DIP2C: variants seen among roughly 807,000 people sequenced by gnomAD.
DIP2C encodes disco-interacting protein 2 homolog C.
In DIP2C, 33 loss-of-function variants were observed where a neutral mutation model predicts 192.4. That is an observed-to-expected ratio of 0.17 (90% confidence interval 0.13 to 0.23). DIP2C has a LOEUF of 0.23. DIP2C is among the 10% of genes least tolerant of loss of function. The pLI is 1.00. For missense variants in DIP2C, 1,537 were observed against 2,110.1 expected, an observed-to-expected ratio of 0.73 and a Z score of 5.32; for synonymous variants, 979 against 864.1, an observed-to-expected ratio of 1.13 and a Z score of -2.33.
intron 15 of DIP2C, 78 bp from the exon 16 acceptor site, chr10:384,224 G>T: frequency 7.1e-7 from 1 of 1,415,672 alleles, no homozygotes; most frequent in Non-Finnish European, 9.5e-7. Flanking sequence ...ATCATTGTGA[G>T]TAGTGGGGAA....
intron 29 of DIP2C, among the ~76,000 whole-genome samples, chr10:330,810 CAA>C (rs1491314892): frequency 4.2e-5 from 4 of 95,174 alleles, no homozygotes; most frequent in African/African-American, 1.2e-4. Flanking sequence ...CCAACCTACA[CAA>C]TTTTTTTTTT....
intron 3 of DIP2C, among the ~76,000 whole-genome samples, chr10:453,143 A>G (rs1362443361): frequency 6.6e-6 from 1 of 152,266 alleles, no homozygotes; most frequent in African/African-American, 2.4e-5. Flanking sequence ...TATCCTTTTC[A>G]TAAAATGAGC....
chr10:629,676 C>T (rs1564286580), intron 1 of DIP2C, among the ~76,000 whole-genome samples: 6 of 152,182 alleles, frequency 3.9e-5, no homozygotes, highest in East Asian at 1.9e-4. Flanking sequence ...CTTTAACCCG[C>T]GCTGGGGGAA....
At position 413,961 on chromosome 10, in the gene DIP2C, G is replaced by A. The variant is rs759160217; in HGVS notation, c.1009C>T (p.Leu337=). 2.5e-6 allele frequency: 4 copies of A among 1,614,112 alleles called. No homozygotes were observed. The highest frequency in any genetic ancestry group is 3.4e-6 in the Non-Finnish European group (4 of 1,180,050). The change falls in exon 8 of 37, where the codon CTG becomes TTG. Residue 337 remains leucine, a synonymous_variant. Coordinates refer to ENST00000280886, the MANE Select transcript of DIP2C (RefSeq NM_014974.3). ...TTCCCGTTGGTGTCCATGGTGGTCA[G>A]GCAGGGCGCCTTGGGCGAGATGGTG... ...WGTISPKAPC[L]TTMDTNGKPL...
intron 28 of DIP2C, among the ~76,000 whole-genome samples, chr10:343,780 G>T (rs1589546402): frequency 6.6e-6 from 1 of 152,232 alleles, no homozygotes; most frequent in African/African-American, 2.4e-5. Flanking sequence ...TCTAGGTGGA[G>T]AATTCAGTTC....
intron 1 of DIP2C, among the ~76,000 whole-genome samples, chr10:559,968 C>A (rs187279324): frequency 1.4e-5 from 2 of 140,000 alleles, no homozygotes; most frequent in Non-Finnish European, 3.1e-5. Context: ...TCTCACCTCT[C>A]CCCCCCACTC....
At chr10:312,879 AAAT>A (rs1207626228) in intron 31 of DIP2C, among the ~76,000 whole-genome samples, 10 of 152,232 alleles carry the variant, frequency 6.6e-5, no homozygotes, top group African/African-American at 2.2e-4. Flanking sequence ...ACAAAAATAA[AAAT>A]AAGTCAACAT....
intron 35 of DIP2C, among the ~76,000 whole-genome samples, chr10:282,613 G>A (rs1954890364): frequency 6.6e-6 from 1 of 152,258 alleles, no homozygotes; most frequent in Non-Finnish European, 1.5e-5. Context: ...TCTGGAATAA[G>A]CAAAGAATTA....
At position 419,311 on chromosome 10, in the gene DIP2C, C is replaced by A. The variant is rs562464249; in HGVS notation, c.605-112G>T. ...AGCACAGGTGCTCACCCTGGGTGTG[C>A]CATGGAAAGCCAGAGCCGATCTCAG... is the stretch of plus-strand genomic sequence containing the variant. On this transcript the variant is annotated intron_variant, in intron 5 of 36. Transcript: ENST00000280886. 264 of 1,481,514 alleles carry A rather than the reference C, an allele frequency of 1.8e-4. 1 individual carries two copies. The African/African-American group carries it at 3.4e-3, about 19-fold the overall frequency. The allele number at this position is 1,481,514 out of a possible 1,614,324, so 91.8% of individuals were successfully genotyped here. A position where few individuals can be genotyped will look rare whatever the true frequency, so the allele number is the denominator to read the frequency against.
rs1213118748 is a variant in DIP2C at position 364,487 on chromosome 10, G to A, written c.2364C>T (p.Phe788=). ...LGFVGPGGLV[F]VVGKMDGLMV... ...TGAGGCCATCCATCTTGCCCACCACGAAGACGAGGCCTCCGGGACCCACGA... is the reference window on the plus strand; with the variant it reads ...TGAGGCCATCCATCTTGCCCACCACAAAGACGAGGCCTCCGGGACCCACGA... The change falls in exon 20 of 37, where the codon TTC becomes TTT. Residue 788 remains phenylalanine, a synonymous_variant. Transcript: ENST00000280886. 1.4e-5 allele frequency: 23 copies of A among 1,614,018 alleles called. No homozygotes were observed. In the East Asian group the frequency reaches 2.2e-4, roughly 16 times the overall value.
chr10:341,739 T>G (rs1467191388), intron 28 of DIP2C, among the ~76,000 whole-genome samples: 1 of 152,202 alleles, frequency 6.6e-6, no homozygotes, highest in African/African-American at 2.4e-5. Flanking sequence ...GCTGGCCTGG[T>G]GCAGTGGCTC....
intron 1 of DIP2C, among the ~76,000 whole-genome samples, chr10:541,725 C>G (rs369912868): frequency 1.4e-4 from 21 of 148,774 alleles, no homozygotes; most frequent in African/African-American, 4.0e-4. Flanking sequence ...CTGGATCCCA[C>G]AGCATGACCC....
intron 1 of DIP2C, among the ~76,000 whole-genome samples, chr10:619,528 AGCCCGCCCGCCC>A (rs71376844): frequency 1.5e-5 from 2 of 129,714 alleles, no homozygotes; most frequent in Non-Finnish European, 3.2e-5. Context: ...GCCAGGACCA[AGCCCGCCCGCCC>A]GCCCTCCCAC....
At chr10:369,342 C>G in intron 18 of DIP2C, 152 bp downstream of exon 18, 1 of 1,012,732 alleles carries the variant, frequency 9.9e-7, no homozygotes, top group Non-Finnish European at 1.4e-6. Context: ...ATGTCTGAAG[C>G]CTAACAAAGA....
At chr10:607,046 G>A (rs1022913325) in intron 1 of DIP2C, among the ~76,000 whole-genome samples, 2 of 152,188 alleles carry the variant, frequency 1.3e-5, no homozygotes, top group African/African-American at 2.4e-5. Flanking sequence ...TCTGTGTCCC[G>A]TGGCCCTTAA....
At chr10:569,386 C>A (rs1435741344) in intron 1 of DIP2C, among the ~76,000 whole-genome samples, 4 of 152,090 alleles carry the variant, frequency 2.6e-5, no homozygotes, top group African/African-American at 9.7e-5. Flanking sequence ...AAAGCCAAAA[C>A]AAGGGAGGCA....
intron 3 of DIP2C, among the ~76,000 whole-genome samples, chr10:466,922 T>C (rs897391836): frequency 4.0e-5 from 6 of 148,296 alleles, no homozygotes; most frequent in Non-Finnish European, 9.0e-5. Flanking sequence ...GGAACACTTT[T>C]ACACTGTTGG....
In DIP2C at chr10:452,330, G is replaced by C. The variant is rs1264584082; in HGVS notation, c.269-11334C>G. 3.9e-5 allele frequency among the ~76,000 whole-genome samples: 6 copies of C among 152,152 alleles called. No homozygotes were observed. In the East Asian group the frequency reaches 1.2e-3, roughly 29 times the overall value. On this transcript the variant is annotated intron_variant, in intron 3 of 36. Transcript: ENST00000280886. ...AATAATGATAACGGGATAGCGCTAAGGGGTCTTCTCAGTGCAGACCCTTAG... is the reference window on the plus strand; with the variant it reads ...AATAATGATAACGGGATAGCGCTAACGGGTCTTCTCAGTGCAGACCCTTAG...
At chr10:528,893 G>A (rs1053460532) in intron 1 of DIP2C, among the ~76,000 whole-genome samples, 2 of 152,154 alleles carry the variant, frequency 1.3e-5, no homozygotes, top group African/African-American at 4.8e-5. Flanking sequence ...GAACTTCCTA[G>A]GTCCCCACAT....
Sources: gnomAD v4.1 joint callset for allele counts (sites outside exome capture counted in the v4.1 genomes callset) on GRCh38, gnomAD v4.1.1 for gene constraint, MANE v1.5 for transcripts, NCBI Gene and HGNC (gene_info 2026-07-23, HGNC 2026-07-21) for gene names.